The following CNTNAP2 variants were observed in gnomAD, a reference collection of about 807,000 sequenced individuals.
The protein encoded by CNTNAP2 is contactin associated protein 2, also known as contactin-associated protein-like 2.
A neutral mutation model predicts 155.2 loss-of-function variants in CNTNAP2; 98 were observed. The observed-to-expected ratio is 0.63, with a 90% CI of 0.54 to 0.75. The LOEUF (loss-of-function observed/expected upper bound fraction) is 0.75, where lower values mean the gene tolerates loss of function less well. Ranked by LOEUF, CNTNAP2 falls within the 30% of genes least tolerant of loss-of-function variation. CNTNAP2 has a pLI of 0.00. For synonymous variants in CNTNAP2, 651 were observed against 631.2 expected (o/e 1.03, Z -0.47); for missense variants, 1,727 against 1,688.1 (o/e 1.02, Z -0.40).
At chr7:146,893,947 T>C (rs955524407) in intron 3 of CNTNAP2, among the ~76,000 whole-genome samples, 3 of 152,002 alleles carry the variant, frequency 2.0e-5, no homozygotes, top group Non-Finnish European at 4.4e-5. Context: ...CCTAGGAGAG[T>C]AATATTCTGG....
intron 11 of CNTNAP2, among the ~76,000 whole-genome samples, chr7:147,522,442 A>C (rs745591053): frequency 1.2e-4 from 18 of 152,166 alleles, no homozygotes; most frequent in Admixed American, 3.3e-4. Context: ...TAGAAAAAAA[A>C]CCTAAAATTT....
chr7:147,128,221 A>G (rs960466409), intron 6 of CNTNAP2, among the ~76,000 whole-genome samples: 11 of 152,200 alleles, frequency 7.2e-5, no homozygotes, highest in Admixed American at 1.3e-4. Flanking sequence ...TCATTAGACT[A>G]CAAGTCTGCA....
intron 3 of CNTNAP2, among the ~76,000 whole-genome samples, chr7:146,959,408 G>T (rs1235319828): frequency 6.6e-6 from 1 of 151,908 alleles, no homozygotes; most frequent in Non-Finnish European, 1.5e-5. Flanking sequence ...AGATGACACC[G>T]TAAAATTATT....
chr7:146,260,549 G>A (rs1241432711), intron 1 of CNTNAP2, among the ~76,000 whole-genome samples: 1 of 152,238 alleles, frequency 6.6e-6, no homozygotes, highest in Non-Finnish European at 1.5e-5. Flanking sequence ...CTGGATGTGA[G>A]ACATGGAGTC....
chr7:147,550,510 A>G (rs1799831085), intron 11 of CNTNAP2, among the ~76,000 whole-genome samples: 1 of 152,188 alleles, frequency 6.6e-6, no homozygotes, highest in African/African-American at 2.4e-5. Flanking sequence ...AGTCCATTAA[A>G]CTATTTCCTT....
intron 1 of CNTNAP2, among the ~76,000 whole-genome samples, chr7:146,675,993 G>C (rs1430190067): frequency 6.6e-6 from 1 of 152,088 alleles, no homozygotes; most frequent in Admixed American, 6.5e-5. Flanking sequence ...ACATAATGTT[G>C]TTGGTAAAAT....
intron 1 of CNTNAP2, among the ~76,000 whole-genome samples, chr7:146,294,031 G>A (rs2129087094): frequency 6.6e-6 from 1 of 152,178 alleles, no homozygotes; most frequent in East Asian, 1.9e-4. Context: ...TTAGATAAGA[G>A]TGAAAAAATC....
At chr7:146,562,647 C>T (rs1168769257) in intron 1 of CNTNAP2, among the ~76,000 whole-genome samples, 1 of 152,130 alleles carries the variant, frequency 6.6e-6, no homozygotes. Flanking sequence ...TTTAACGCTA[C>T]TGTGCATGTC....
At chr7:148,189,552 G>A (rs1395979611) in intron 18 of CNTNAP2, among the ~76,000 whole-genome samples, 1 of 152,154 alleles carries the variant, frequency 6.6e-6, no homozygotes, top group Non-Finnish European at 1.5e-5. Context: ...AGAAGCTCAA[G>A]GGCATGGCTC....
chr7:147,004,484 A>C (rs774097355), intron 3 of CNTNAP2, among the ~76,000 whole-genome samples: 5 of 152,008 alleles, frequency 3.3e-5, no homozygotes, highest in Non-Finnish European at 5.9e-5. Flanking sequence ...AAAACATGAC[A>C]CTTCTTATTG....
chr7:147,113,239 A>G (rs1019865361), intron 5 of CNTNAP2, among the ~76,000 whole-genome samples: 7 of 152,040 alleles, frequency 4.6e-5, no homozygotes, highest in Non-Finnish European at 8.8e-5. Flanking sequence ...AAATACAAAC[A>G]TATTTCTATA....
chr7:147,555,271 A>G (rs1277095631), intron 11 of CNTNAP2, among the ~76,000 whole-genome samples: 1 of 152,228 alleles, frequency 6.6e-6, no homozygotes. Context: ...TACACTGAAC[A>G]ATACCAACCC....
intron 1 of CNTNAP2, among the ~76,000 whole-genome samples, chr7:146,671,429 T>TCACTCACA (rs1554465672): frequency 1.3e-5 from 2 of 148,300 alleles, no homozygotes; most frequent in Non-Finnish European, 3.0e-5. Context: ...TTTTTGTCAC[T>TCACTCACA]CACACACACA....
chr7:146,970,720 C>T (rs370135055), intron 3 of CNTNAP2, among the ~76,000 whole-genome samples: 3 of 152,120 alleles, frequency 2.0e-5, no homozygotes, highest in African/African-American at 7.2e-5. Context: ...GGTATATACC[C>T]AAAGGACTGT....
intron 1 of CNTNAP2, among the ~76,000 whole-genome samples, chr7:146,463,726 A>C (rs1796673510): frequency 6.6e-6 from 1 of 152,082 alleles, no homozygotes; most frequent in Admixed American, 6.6e-5. Context: ...ATATGTGTGT[A>C]TATATATAGA....
intron 1 of CNTNAP2, among the ~76,000 whole-genome samples, chr7:146,688,439 CA>C (rs1800640571): frequency 6.6e-6 from 1 of 151,644 alleles, no homozygotes; most frequent in Non-Finnish European, 1.5e-5. Flanking sequence ...AAGGAGTCAG[CA>C]AAGGGAGATA....
At position 146,369,050 on chromosome 7, in the gene CNTNAP2, T is replaced by TATATAC. The variant is rs1286983889; in HGVS notation, c.97+252078_97+252079insTATACA. ...TTATGTATATATATATATATATATA[T>TATATAC]ACATATATATATATACTCATAACTC... On this transcript the variant is annotated intron_variant, in intron 1 of 23. Transcript: ENST00000361727. Among the ~76,000 whole-genome samples the TATATAC allele has an allele frequency of 7.2e-3, 1,001 of 139,176 alleles. 8 individuals are homozygous for TATATAC. Among genetic ancestry groups the TATATAC allele is most frequent in the African/African-American group, 0.012 (443 of 36,894 alleles). 91.3% of individuals were successfully genotyped at this position (139,176 alleles called of 152,430 possible).
chr7:146,868,070 G>A (rs1795239861), intron 3 of CNTNAP2, among the ~76,000 whole-genome samples: 1 of 152,058 alleles, frequency 6.6e-6, no homozygotes, highest in Non-Finnish European at 1.5e-5. Flanking sequence ...ATTGCTTTTA[G>A]TGTCTTTGTT....
chr7:146,360,828 G>A lies in CNTNAP2; in HGVS notation c.97+243855G>A, dbSNP rs897658684. Reference sequence around the variant, plus strand: ...GTTTTTCACTATCAAGAAAATTGATGTATAACAAACGTATCCCCTTGAAGT... The same window carrying A: ...GTTTTTCACTATCAAGAAAATTGATATATAACAAACGTATCCCCTTGAAGT... On this transcript the variant is annotated intron_variant, in intron 1 of 23. Transcript: ENST00000361727. Among the ~76,000 whole-genome samples, 3 of 152,156 alleles carry A rather than the reference G, an allele frequency of 2.0e-5. No individual in the cohort carries two copies. The East Asian group carries it at 5.8e-4, about 29-fold the overall frequency.
Sources: allele counts gnomAD v4.1 joint callset (sites outside exome capture counted in the v4.1 genomes callset), GRCh38; gene constraint gnomAD v4.1.1; transcripts MANE v1.5; gene names NCBI Gene and HGNC (gene_info 2026-07-23, HGNC 2026-07-21).